The following KDM4B variants were observed in gnomAD, a reference collection of about 807,000 sequenced individuals.
KDM4B encodes the protein lysine demethylase 4B, also known as lysine-specific demethylase 4B.
KDM4B carries 32 observed loss-of-function variants against 125.2 expected under a neutral mutation model. The observed-to-expected ratio is 0.26, with a 90% CI of 0.19 to 0.34. The LOEUF (loss-of-function observed/expected upper bound fraction) is 0.34. KDM4B is among the 10% of genes least tolerant of loss of function. The pLI is 1.00. For synonymous variants in KDM4B, 721 were observed against 677.9 expected (o/e 1.06, Z -0.99); for missense variants, 1,190 against 1,577.7 (o/e 0.75, Z 4.16).
At chr19:4,970,349 G>A (rs186452286) in intron 1 of KDM4B, among the ~76,000 whole-genome samples, 3 of 152,344 alleles carry the variant, frequency 2.0e-5, no homozygotes, top group African/African-American at 7.2e-5. Context: ...TGAGAAGGTG[G>A]TTCAGCTCCG....
intron 9 of KDM4B, among the ~76,000 whole-genome samples, chr19:5,091,681 G>T (rs2038707660): frequency 1.3e-5 from 2 of 151,032 alleles, no homozygotes; most frequent in South Asian, 4.2e-4. Flanking sequence ...TAATGAGGCT[G>T]CCTGCTCCAG....
intron 1 of KDM4B, among the ~76,000 whole-genome samples, chr19:5,004,433 C>G (rs1463190591): frequency 6.6e-6 from 1 of 152,182 alleles, no homozygotes; most frequent in South Asian, 2.1e-4. Context: ...TGCTGCCCCC[C>G]GGGCTCATAC....
chr19:5,142,862 T>C lies in KDM4B; in HGVS notation c.2551-1105T>C, dbSNP rs147968826. Among the ~76,000 whole-genome samples the C allele has an allele frequency of 3.7e-4, 56 of 152,058 alleles. No homozygotes were observed. The highest frequency in any genetic ancestry group is 1.2e-3 in the African/African-American group (50 of 41,454). On this transcript the variant is annotated intron_variant, in intron 18 of 22. Transcript: ENST00000159111. This position sits in a 1 kb window ranked among gnomAD's most constrained non-coding sequence, Gnocchi z 5.4. ...CTTTTGAACGTGGTTTATAGAGTGG[T>C]GACGGTGCCGCTTATTAAATGCTTA...
At chr19:5,128,076 C>T (rs1198217462) in intron 11 of KDM4B, among the ~76,000 whole-genome samples, 4 of 151,562 alleles carry the variant, frequency 2.6e-5, no homozygotes, top group Non-Finnish European at 4.4e-5. Context: ...CCCACAGCCC[C>T]GGCTGGAGTC....
At chr19:5,105,281 C>G (rs1366810195) in intron 9 of KDM4B, among the ~76,000 whole-genome samples, 2 of 152,252 alleles carry the variant, frequency 1.3e-5, no homozygotes, top group Non-Finnish European at 2.9e-5. Flanking sequence ...ACGCTCAGTA[C>G]AAACTGGGAC....
intron 9 of KDM4B, among the ~76,000 whole-genome samples, chr19:5,104,436 T>C (rs997986081): frequency 6.6e-6 from 1 of 151,994 alleles, no homozygotes; most frequent in Non-Finnish European, 1.5e-5. Flanking sequence ...CGTTTTGCTC[T>C]GGGTTTTTAT....
chr19:5,061,964 T>C (rs1178097199), intron 6 of KDM4B, among the ~76,000 whole-genome samples: 2 of 152,108 alleles, frequency 1.3e-5, no homozygotes, highest in African/African-American at 2.4e-5. Context: ...CAGGCTGGGC[T>C]CCATTTCTGC....
Position 5,077,388 on chromosome 19 carries a change from A to G in KDM4B, c.698A>G (p.Gln233Arg). ...CTAGGCTTCTTCCCCGGGAGCTCGC[A>G]GGGCTGCGACGCCTTCCTGCGGCAT... is the stretch of plus-strand genomic sequence containing the variant. ...LAIGFFPGSS[Q>R]GCDAFLRHKM... Residue 233 changes from glutamine to arginine, a missense_variant, in exon 8 of 23, where the codon CAG (glutamine) becomes CGG (arginine). Gln to Arg is a conservative substitution (Grantham distance 43). Transcript: ENST00000159111. The G allele has an allele frequency of 6.2e-7, 1 of 1,613,128 alleles. No individual in the cohort carries two copies. Among genetic ancestry groups the G allele is most frequent in the Non-Finnish European group, 8.5e-7 (1 of 1,179,960 alleles).
At chr19:5,056,553 G>A (rs1308724564) in intron 6 of KDM4B, among the ~76,000 whole-genome samples, 3 of 152,024 alleles carry the variant, frequency 2.0e-5, no homozygotes, top group East Asian at 1.9e-4. Flanking sequence ...TTACAGGTGC[G>A]TGCTGCCACA....
Position 5,024,592 on chromosome 19 carries a change from C to T in KDM4B, c.-26+8253C>T, listed in dbSNP as rs73542506. Among the ~76,000 whole-genome samples the T allele has an allele frequency of 2.1e-3, 318 of 151,880 alleles. 2 individuals are homozygous for T. The highest frequency in any genetic ancestry group is 7.4e-3 in the African/African-American group (307 of 41,406). On this transcript the variant is annotated intron_variant, in intron 2 of 22. Coordinates refer to ENST00000159111, the MANE Select transcript of KDM4B (RefSeq NM_015015.3). Reference sequence around the variant, plus strand: ...CCATGTCATGGTCACAGCAGGAGGGCTGAGGAGCCAGGCCTGGCCCGTGGT... The same window carrying T: ...CCATGTCATGGTCACAGCAGGAGGGTTGAGGAGCCAGGCCTGGCCCGTGGT...
intron 9 of KDM4B, among the ~76,000 whole-genome samples, chr19:5,093,291 C>T (rs1033743730): frequency 2.6e-5 from 4 of 152,194 alleles, no homozygotes; most frequent in African/African-American, 9.7e-5. Flanking sequence ...AAGGGGACAT[C>T]GGAGCCTCCC....
intron 15 of KDM4B, among the ~76,000 whole-genome samples, chr19:5,136,512 G>A (rs1012350824): frequency 3.9e-5 from 6 of 152,172 alleles, no homozygotes; most frequent in Non-Finnish European, 8.8e-5. Flanking sequence ...TCTTCACTCT[G>A]CTTTGCTGGG....
chr19:5,073,699 C>T (rs2038016369), intron 7 of KDM4B, among the ~76,000 whole-genome samples: 1 of 152,236 alleles, frequency 6.6e-6, no homozygotes, highest in Non-Finnish European at 1.5e-5. Flanking sequence ...ACCCTGAGGC[C>T]AGGCCAGGCA....
chr19:5,076,898 G>C (rs1193385554), intron 7 of KDM4B: 1 of 174,210 alleles, frequency 5.7e-6, no homozygotes, highest in Admixed American at 5.7e-5. Flanking sequence ...CCGAGCGACT[G>C]TGTGGGCTGT....
At chr19:5,150,306 G>A (rs978366369) in intron 21 of KDM4B, 52 bp from the exon 22 acceptor site, 6 of 1,483,020 alleles carry the variant, frequency 4.0e-6, no homozygotes, top group Middle Eastern at 1.7e-4. Flanking sequence ...CCTGCCTGGA[G>A]CACCTGCCAT....
chr19:5,014,186 G>A (rs1033498423), intron 1 of KDM4B, among the ~76,000 whole-genome samples: 13 of 152,216 alleles, frequency 8.5e-5, no homozygotes, highest in Non-Finnish European at 1.8e-4. Flanking sequence ...TCGCTCTGTC[G>A]CCCAGGCTGC....
chr19:4,969,629 T>G (rs2145257010), intron 1 of KDM4B, among the ~76,000 whole-genome samples: 1 of 151,964 alleles, frequency 6.6e-6, no homozygotes, highest in East Asian at 2.0e-4. Context: ...CTATTATTAT[T>G]ATTATTTTTG....
In KDM4B at chr19:4,997,919, C is replaced by G. The variant is rs574562557; in HGVS notation, c.-108-18338C>G. 2.6e-5 allele frequency among the ~76,000 whole-genome samples: 4 copies of G among 152,380 alleles called. No individual in the cohort carries two copies. In the East Asian group the frequency reaches 7.7e-4, roughly 29 times the overall value. ...GTCCCTCTCCACCCAGGCCTTGGGG[C>G]TCCCAGACAACCATGAAATTACAAG... On this transcript the variant is annotated intron_variant, in intron 1 of 22. Transcript: ENST00000159111. This position sits in a 1 kb window ranked among gnomAD's most constrained non-coding sequence, Gnocchi z 4.2.
chr19:5,053,884 C>T (rs1398500085), intron 6 of KDM4B, among the ~76,000 whole-genome samples: 3 of 152,248 alleles, frequency 2.0e-5, no homozygotes, highest in Admixed American at 1.3e-4. Flanking sequence ...GCTCTGGGTC[C>T]ACATGGGTTG....
Sources: allele counts gnomAD v4.1 joint callset (sites outside exome capture counted in the v4.1 genomes callset), GRCh38; gene constraint gnomAD v4.1.1; non-coding constraint Gnocchi (gnomAD v3.1); transcripts MANE v1.5; gene names NCBI Gene and HGNC (gene_info 2026-07-23, HGNC 2026-07-21).